The following SDAD1 variants were observed in gnomAD, a reference collection of about 807,000 sequenced individuals.
SDAD1 encodes the protein SDA1 domain containing 1.
SDAD1 carries 79 observed loss-of-function variants against 100.3 expected under a neutral mutation model. The observed-to-expected ratio is 0.79, with a 90% CI of 0.66 to 0.95. The LOEUF (loss-of-function observed/expected upper bound fraction) is 0.95, where lower values mean the gene tolerates loss of function less well. Among genes scored for constraint, SDAD1 ranks in the 40% least tolerant of loss-of-function variants. The pLI is 0.00. For synonymous variants in SDAD1, 267 were observed against 271.4 expected (o/e 0.98, Z 0.16); for missense variants, 790 against 810.9 (o/e 0.97, Z 0.31).
At chr4:75,982,969 A>G (rs1578147202) in intron 1 of SDAD1, among the ~76,000 whole-genome samples, 1 of 151,298 alleles carries the variant, frequency 6.6e-6, no homozygotes, top group African/African-American at 2.4e-5. Flanking sequence ...ACAGGCCCCA[A>G]TGTGTGATGT....
chr4:75,973,461 T>C (rs1729981850), intron 7 of SDAD1, 70 bp from the exon 8 acceptor site: 1 of 1,098,272 alleles, frequency 9.1e-7, no homozygotes, highest in Admixed American at 1.7e-5. Flanking sequence ...CTTTTGAGTA[T>C]GCTTTATACA....
At chr4:75,970,162 T>G (rs1729783782) in intron 10 of SDAD1, 147 bp downstream of exon 10, 3 of 612,414 alleles carry the variant, frequency 4.9e-6, no homozygotes. Context: ...GACAATTTTG[T>G]AGGTTACAAC....
intron 11 of SDAD1, among the ~76,000 whole-genome samples, chr4:75,967,557 G>A (rs1729619486): frequency 6.6e-6 from 1 of 152,132 alleles, no homozygotes; most frequent in African/African-American, 2.4e-5. Context: ...AAAGGAGGAA[G>A]CAAGTATATG....
chr4:75,976,438 C>T (rs1456267348), intron 4 of SDAD1, among the ~76,000 whole-genome samples: 1 of 152,152 alleles, frequency 6.6e-6, no homozygotes, highest in Non-Finnish European at 1.5e-5. Context: ...ATCTTGGAAA[C>T]ATTATGCTAA....
At position 75,961,456 on chromosome 4, in the gene SDAD1, G is replaced by T. The variant is rs540951027; in HGVS notation, c.1182-148C>A. ...GTCTCCAAAACTGCAGCATGTTAGA[G>T]AATGTCAGGTAGGCAGCCTTAGAGG... On this transcript the variant is annotated intron_variant, in intron 14 of 21. Transcript: ENST00000356260. The T allele has an allele frequency of 6.9e-5, 42 of 609,990 alleles. No individual in the cohort carries two copies. The African/African-American group carries it at 7.0e-4, about 10-fold the overall frequency. The allele number at this position is 609,990 out of a possible 1,614,324, so 37.8% of individuals were successfully genotyped here.
chr4:75,955,831 ACTCTCCAACAATG>A (rs1261332686), intron 21 of SDAD1, 131 bp downstream of exon 21: 25 of 933,146 alleles, frequency 2.7e-5, no homozygotes, highest in Admixed American at 7.8e-5. Flanking sequence ...ATTAATGGGA[ACTCTCCAACAATG>A]CTCTCCAACA....
chr4:75,988,416 T>C (rs1017464957), intron 1 of SDAD1, among the ~76,000 whole-genome samples: 2 of 152,194 alleles, frequency 1.3e-5, no homozygotes, highest in African/African-American at 4.8e-5. Context: ...CCTAAACATA[T>C]GCACAGCTCT....
intron 20 of SDAD1, 57 bp from the exon 21 acceptor site, chr4:75,956,193 T>A: frequency 6.6e-7 from 1 of 1,513,252 alleles, no homozygotes; most frequent in African/African-American, 1.4e-5. Context: ...AGGAGTCATC[T>A]AATCAACATT....
In SDAD1 at chr4:75,964,235, T is replaced by C. The variant is rs765514915; in HGVS notation, c.1105-24A>G. 5 of 1,474,568 alleles carry C rather than the reference T, an allele frequency of 3.4e-6. No individual in the cohort carries two copies. In the South Asian group the frequency reaches 5.7e-5, roughly 17 times the overall value. The allele number at this position is 1,474,568 out of a possible 1,614,324, so 91.3% of individuals were successfully genotyped here. ...ATCTGAATTGGAAACAAAAAAGAGA[T>C]GGGTGCTGATTAAATGTCTGCATAC... On this transcript the variant is annotated intron_variant, in intron 13 of 21. Transcript: ENST00000356260.
intron 1 of SDAD1, among the ~76,000 whole-genome samples, chr4:75,986,078 T>C (rs1054195573): frequency 3.3e-5 from 5 of 152,194 alleles, no homozygotes; most frequent in Non-Finnish European, 5.9e-5. Context: ...GAGCTGAACA[T>C]GGTTGGAGAA....
chr4:75,968,645 A>AGT (rs1729688377), intron 11 of SDAD1, among the ~76,000 whole-genome samples: 1 of 152,232 alleles, frequency 6.6e-6, no homozygotes, highest in South Asian at 2.1e-4. Flanking sequence ...AGAGTTAAAC[A>AGT]AACAGTGAGA....
intron 21 of SDAD1, among the ~76,000 whole-genome samples, chr4:75,953,288 G>A (rs1728713355): frequency 6.6e-6 from 1 of 152,130 alleles, no homozygotes; most frequent in African/African-American, 2.4e-5. Flanking sequence ...GCCAGAAAAG[G>A]CATGCTAAAA....
chr4:75,969,988 G>GT (rs72249104), intron 10 of SDAD1, among the ~76,000 whole-genome samples: 193 of 145,144 alleles, frequency 1.3e-3, no homozygotes, highest in East Asian at 1.8e-3. Flanking sequence ...CACAGACTAG[G>GT]TTTTTTTTTT....
In SDAD1 at chr4:75,960,948, A is replaced by T. The variant is rs114496003; in HGVS notation, c.1356+80T>A. 25 of 1,109,256 alleles carry T rather than the reference A, an allele frequency of 2.3e-5. No homozygotes were observed. The African/African-American group carries it at 2.9e-4, about 13-fold the overall frequency. The allele number at this position is 1,109,256 out of a possible 1,614,324, so 68.7% of individuals were successfully genotyped here. A position where few individuals can be genotyped will look rare whatever the true frequency, so the allele number is the denominator to read the frequency against. ...TAATCATAACAGAAGCATCATAAGT[A>T]CTAAAATCCTAATTGTAGGAAATTT... On this transcript the variant is annotated intron_variant, in intron 16 of 21. Transcript: ENST00000356260.
rs960247816 is a variant in SDAD1 at position 75,965,808 on chromosome 4, G to A, written c.1060C>T (p.Leu354Phe). The change falls in exon 13 of 22, where the codon CTT (leucine) becomes TTT (phenylalanine). Residue 354 changes from leucine to phenylalanine, a missense_variant. Physicochemically the swap from Leu to Phe is conservative, Grantham distance 22. Coordinates refer to ENST00000356260, the MANE Select transcript of SDAD1 (RefSeq NM_018115.4). Reference sequence around the variant, plus strand: ...TGAGATGCTTGTGCAGCAAACAGAAGGATCTTGGTTACTTCTGAAAACATA... The same window carrying A: ...TGAGATGCTTGTGCAGCAAACAGAAAGATCTTGGTTACTTCTGAAAACATA... Reference protein sequence around the residue: ...QPHQREVTKILLFAAQASHHL... With the variant: ...QPHQREVTKIFLFAAQASHHL... 1.8e-5 allele frequency: 29 copies of A among 1,613,540 alleles called. No individual in the cohort carries two copies. The highest frequency in any genetic ancestry group is 2.3e-5 in the Non-Finnish European group (27 of 1,179,776).
chr4:75,978,694 G>T (rs1359045819), intron 3 of SDAD1, among the ~76,000 whole-genome samples: 2 of 152,094 alleles, frequency 1.3e-5, no homozygotes, highest in Non-Finnish European at 2.9e-5. Context: ...ACAAGGGCAA[G>T]GCTGGGCATG....
intron 12 of SDAD1, among the ~76,000 whole-genome samples, chr4:75,966,927 C>T (rs543356917): frequency 2.2e-4 from 33 of 152,178 alleles, no homozygotes; most frequent in African/African-American, 6.5e-4. Flanking sequence ...ACACCACATC[C>T]GGCTAATTTT....
intron 1 of SDAD1, among the ~76,000 whole-genome samples, chr4:75,989,403 A>G (rs1249875542): frequency 1.3e-5 from 2 of 152,056 alleles, no homozygotes; most frequent in Non-Finnish European, 2.9e-5. Flanking sequence ...ATAAGTCTAC[A>G]CTCACTTGAA....
At chr4:75,971,707 C>A (rs1729877072) in intron 8 of SDAD1, among the ~76,000 whole-genome samples, 1 of 152,006 alleles carries the variant, frequency 6.6e-6, no homozygotes, top group Non-Finnish European at 1.5e-5. Flanking sequence ...TGTGTCTCTA[C>A]TAAAAATACA....
Sources: gnomAD v4.1 joint callset for allele counts (sites outside exome capture counted in the v4.1 genomes callset) on GRCh38, gnomAD v4.1.1 for gene constraint, MANE v1.5 for transcripts, NCBI Gene and HGNC (gene_info 2026-07-23, HGNC 2026-07-21) for gene names.